GJB6: variants seen among roughly 807,000 people sequenced by gnomAD.
GJB6 encodes the protein gap junction protein beta 6.
Under a neutral mutation model 5.4 loss-of-function variants are expected in GJB6, and 5 were observed. That is an observed-to-expected ratio of 0.92 (90% CI 0.48 to 1.93). The LOEUF (loss-of-function observed/expected upper bound fraction) is 1.93, where lower values mean the gene tolerates loss of function less well. GJB6 is among the 30% of genes most tolerant of loss of function. The probability of loss-of-function intolerance (pLI) is 0.01; values close to 1 mark genes in which losing one functional copy is unlikely to be tolerated. For synonymous variants in GJB6, 136 were observed against 129.6 expected (o/e 1.05, Z -0.34); for missense variants, 298 against 326.9 (o/e 0.91, Z 0.68).
chr13:20,231,718 C>T (rs924803823), intron 1 of GJB6, among the ~76,000 whole-genome samples: 1 of 152,194 alleles, frequency 6.6e-6, no homozygotes, highest in Non-Finnish European at 1.5e-5. Flanking sequence ...CCCGGTGACC[C>T]ACAAAAGCTT....
chr13:20,223,204 T>G lies in GJB6; in HGVS notation c.277A>C (p.Met93Leu). 3.7e-6 allele frequency: 6 copies of G among 1,611,216 alleles called. No individual in the cohort carries two copies. The highest frequency in any genetic ancestry group is 5.1e-6 in the Non-Finnish European group (6 of 1,177,778). ...FVSTPALLVA[M>L]HVAYYRHETT... ...TCGTGCCTGTAGTAGGCCACATGCA[T>G]GGCCACCAGCAGCGCTGGGGTGGAG... is the stretch of plus-strand genomic sequence containing the variant. Residue 93 changes from methionine (M) to leucine (L), a missense_variant, in exon 5 of 5, where the codon ATG (methionine) becomes CTG (leucine). Met to Leu is a conservative substitution (Grantham distance 15). Coordinates refer to ENST00000647029, the MANE Select transcript of GJB6 (RefSeq NM_001110219.3).
chr13:20,232,297 C>G lies in GJB6; in HGVS notation c.-523G>C, dbSNP rs1218374023. 2.6e-5 allele frequency: 4 copies of G among 151,828 alleles called. No homozygotes were observed. The highest frequency in any genetic ancestry group is 4.4e-5 in the Non-Finnish European group (3 of 67,994). The allele number at this position is 151,828 out of a possible 1,614,324, so 9.4% of individuals were successfully genotyped here. A position where few individuals can be genotyped will look rare whatever the true frequency, so the allele number is the denominator to read the frequency against. ...CTCGGGCGCCGCCGGCTGTCGGGCT[C>G]TCGTCGGGTTTCGGGTGAAGGCCCC... On this transcript the variant is annotated 5_prime_UTR_variant, in exon 1 of 5. Coordinates refer to ENST00000647029, the MANE Select transcript of GJB6 (RefSeq NM_001110219.3).
At chr13:20,229,795 C>G (rs1278996116) in intron 3 of GJB6, 46 bp from the exon 4 acceptor site, 1 of 81,236 alleles carries the variant, frequency 1.2e-5, no homozygotes, top group Non-Finnish European at 2.3e-5. Flanking sequence ...CTTTAACTCC[C>G]CCCCCCCCCG....
intron 4 of GJB6, among the ~76,000 whole-genome samples, chr13:20,226,650 T>C (rs1050050575): frequency 8.5e-5 from 13 of 152,202 alleles, no homozygotes; most frequent in African/African-American, 3.1e-4. Context: ...ATGTGACCAG[T>C]GAGGAGCAAG....
intron 4 of GJB6, among the ~76,000 whole-genome samples, chr13:20,223,936 C>T (rs537144077): frequency 2.6e-5 from 4 of 151,888 alleles, no homozygotes; most frequent in African/African-American, 9.7e-5. Flanking sequence ...ACCACTGCAC[C>T]CCAGCCTGGG....
At chr13:20,229,835 T>C (rs1419208778) in intron 3 of GJB6, 86 bp from the exon 4 acceptor site, 1 of 115,306 alleles carries the variant, frequency 8.7e-6, no homozygotes, top group Non-Finnish European at 1.7e-5. Context: ...TGAATAAACT[T>C]TGTGGGTAGT....
At position 20,222,584 on chromosome 13, in the gene GJB6, G is replaced by A; in HGVS notation, c.*111C>T. On this transcript the variant is annotated 3_prime_UTR_variant, in exon 5 of 5. Coordinates refer to ENST00000647029, the MANE Select transcript of GJB6 (RefSeq NM_001110219.3). ...GTTAACTCAAGTGTCTATTTATTAT[G>A]AAAGTCATTTACAAACTCTTCAGGC... 1 of 870,422 alleles carries A rather than the reference G, an allele frequency of 1.1e-6. No homozygotes were observed. Among genetic ancestry groups the A allele is most frequent in the Non-Finnish European group, 1.9e-6 (1 of 517,828 alleles). 53.9% of individuals were successfully genotyped at this position (870,422 alleles called of 1,614,324 possible).
In GJB6 at chr13:20,222,086, T is replaced by G. The variant is rs1424643336; in HGVS notation, c.*609A>C. The G allele has an allele frequency of 6.5e-6, 1 of 153,324 alleles. No individual in the cohort carries two copies. Among genetic ancestry groups the G allele is most frequent in the South Asian group, 2.1e-4 (1 of 4,858 alleles). 9.5% of individuals were successfully genotyped at this position (153,324 alleles called of 1,614,324 possible). ...TGCTTCCACACTGTTCCGTCTACAT[T>G]CAGAAAGCAGTAAAAATATATTGTG... is the stretch of plus-strand genomic sequence containing the variant. On this transcript the variant is annotated 3_prime_UTR_variant, in exon 5 of 5. Coordinates refer to ENST00000647029, the MANE Select transcript of GJB6 (RefSeq NM_001110219.3).
intron 4 of GJB6, among the ~76,000 whole-genome samples, chr13:20,226,577 C>A (rs1381368027): frequency 1.3e-5 from 2 of 152,150 alleles, no homozygotes; most frequent in Non-Finnish European, 2.9e-5. Flanking sequence ...TAATTTTATT[C>A]TCAGATGAAA....
chr13:20,226,845 C>G (rs1052346584), intron 4 of GJB6, among the ~76,000 whole-genome samples: 24 of 152,230 alleles, frequency 1.6e-4, no homozygotes, highest in African/African-American at 4.6e-4. Flanking sequence ...CACATTTTCT[C>G]CAACACTTCA....
intron 3 of GJB6, chr13:20,230,012 C>G (rs2137356911): frequency 6.6e-6 from 1 of 151,920 alleles, no homozygotes; most frequent in Admixed American, 6.6e-5. Context: ...ACTCCTTGAG[C>G]AAAACAAAAA....
intron 4 of GJB6, among the ~76,000 whole-genome samples, chr13:20,229,241 C>T (rs1869888323): frequency 6.7e-6 from 1 of 149,602 alleles, no homozygotes; most frequent in Non-Finnish European, 1.5e-5. Context: ...ATCTGCCTCC[C>T]CGGTTCTAGT....
intron 2 of GJB6, chr13:20,231,014 C>T (rs1555344335): frequency 6.6e-6 from 1 of 152,292 alleles, no homozygotes; most frequent in Non-Finnish European, 1.5e-5. Flanking sequence ...TCTTCAGAAC[C>T]CCCCTCTCCT....
intron 4 of GJB6, among the ~76,000 whole-genome samples, chr13:20,227,182 A>C (rs1403337249): frequency 6.6e-6 from 1 of 151,998 alleles, no homozygotes. Flanking sequence ...TAGCTTTTTA[A>C]ATTTCTTTGG....
rs1369386944 is a variant in GJB6 at position 20,223,365 on chromosome 13, G to T, written c.116C>A (p.Ala39Asp). The change falls in exon 5 of 5, where the codon GCT (alanine) becomes GAT (aspartate). Residue 39 changes from alanine to aspartate, a missense_variant. Coordinates refer to ENST00000647029, the MANE Select transcript of GJB6 (RefSeq NM_001110219.3). Reference sequence around the variant, plus strand: ...CTCGTCACCCCACACTTCCTGGGCAGCCACCACGAGGATCATGACTCGGAA... The same window carrying T: ...CTCGTCACCCCACACTTCCTGGGCATCCACCACGAGGATCATGACTCGGAA... ...FIFRVMILVV[A>D]AQEVWGDEQE... The T allele has an allele frequency of 8.1e-6, 13 of 1,614,024 alleles. No individual in the cohort carries two copies. The highest frequency in any genetic ancestry group is 1.7e-5 in the Admixed American group (1 of 60,008).
intron 3 of GJB6, 56 bp from the exon 4 acceptor site, chr13:20,229,805 GC>G (rs1222916830): frequency 2.2e-5 from 1 of 45,038 alleles, no homozygotes; most frequent in African/African-American, 1.1e-4. Context: ...CCCCCCCCCC[GC>G]CCCCCGCAAT....
At position 20,223,065 on chromosome 13, in the gene GJB6, C is replaced by T. The variant is rs1225392316; in HGVS notation, c.416G>A (p.Ser139Asn). 6.2e-7 allele frequency: 1 copy of T among 1,613,406 alleles called. No homozygotes were observed. The highest frequency in any genetic ancestry group is 1.3e-5 in the African/African-American group (1 of 74,922). The part of the protein sequence containing the change: ...EGSLWWTYTS[S>N]IFFRIIFEAA... The stretch of plus-strand genomic sequence containing the variant: ...TTCAAAGATGATTCGGAAAAAGATG[C>T]TGCTGGTGTACGTCCACCACAGCGA... The change falls in exon 5 of 5, where the codon AGC becomes AAC. Residue 139 changes from serine to asparagine, a missense_variant. Ser to Asn is a conservative substitution (Grantham distance 46). Coordinates refer to ENST00000647029, the MANE Select transcript of GJB6 (RefSeq NM_001110219.3).
chr13:20,227,163 T>C (rs148099238), intron 4 of GJB6, among the ~76,000 whole-genome samples: 1,823 of 152,210 alleles, frequency 0.012, 17 homozygotes, highest in Non-Finnish European at 0.016. Context: ...GGGACAATTA[T>C]AAGGGCAGTA....
chr13:20,229,315 ATTTTT>A (rs60451416), intron 4 of GJB6, among the ~76,000 whole-genome samples: 14 of 55,294 alleles, frequency 2.5e-4, no homozygotes, highest in Middle Eastern at 0.014. Context: ...TACCTGGTTA[ATTTTT>A]TTTTTTTTTT....
Sources: gnomAD v4.1 joint callset for allele counts (sites outside exome capture counted in the v4.1 genomes callset) on GRCh38, gnomAD v4.1.1 for gene constraint, MANE v1.5 for transcripts, NCBI Gene and HGNC (gene_info 2026-07-23, HGNC 2026-07-21) for gene names.